MAGI2: variants seen among roughly 807,000 people sequenced by gnomAD.
MAGI2 encodes membrane-associated guanylate kinase, WW and PDZ domain-containing protein 2.
A neutral mutation model predicts 133.3 loss-of-function variants in MAGI2; 35 were observed. That is an observed-to-expected ratio of 0.26 (90% CI 0.20 to 0.35). MAGI2 has a LOEUF of 0.35. Ranked by LOEUF, MAGI2 falls within the 10% of genes least tolerant of loss-of-function variation. MAGI2 has a pLI of 1.00. For missense variants in MAGI2, 1,636 were observed against 1,863.4 expected, an observed-to-expected ratio of 0.88 and a Z score of 2.25; for synonymous variants, 729 against 710.6, an observed-to-expected ratio of 1.03 and a Z score of -0.41.
chr7:79,379,036 G>A (rs1488622968), intron 1 of MAGI2, among the ~76,000 whole-genome samples: 5 of 147,468 alleles, frequency 3.4e-5, no homozygotes, highest in African/African-American at 1.0e-4. Flanking sequence ...ATGTATACAC[G>A]TGCCATGTTG....
In MAGI2 at chr7:78,343,960, T is replaced by C. The variant is rs975282876; in HGVS notation, c.1226A>G (p.Glu409Gly). Reference protein sequence around the residue: ...TKPLQAPGFREKPLFTRDASQ... With the variant: ...TKPLQAPGFRGKPLFTRDASQ... The stretch of plus-strand genomic sequence containing the variant: ...TGCATCCCGGGTGAAGAGTGGTTTT[T>C]CTACATTGGCCAATATAAGTTAAAA... The change falls in exon 9 of 22, where the codon GAA becomes GGA. Residue 409 changes from glutamate (E) to glycine (G), a missense_variant and splice_region_variant. By Grantham distance (98) the Glu-to-Gly change is moderately conservative (BLOSUM62 -2). Coordinates refer to ENST00000354212, the MANE Select transcript of MAGI2 (RefSeq NM_012301.4). 1.9e-6 allele frequency: 3 copies of C among 1,606,718 alleles called. No individual in the cohort carries two copies. Among genetic ancestry groups the C allele is most frequent in the Non-Finnish European group, 1.7e-6 (2 of 1,177,736 alleles).
chr7:78,086,362 C>T (rs1034272232), intron 20 of MAGI2, among the ~76,000 whole-genome samples: 5 of 151,408 alleles, frequency 3.3e-5, no homozygotes, highest in South Asian at 2.1e-4. Flanking sequence ...CTCAGCCTCC[C>T]GAGTAGCTGG....
rs1442228189 is a variant in MAGI2 at position 78,203,449 on chromosome 7, C to T, written c.2048-2256G>A. 3.3e-5 allele frequency among the ~76,000 whole-genome samples: 5 copies of T among 152,144 alleles called. No individual in the cohort carries two copies. The East Asian group carries it at 9.6e-4, about 29-fold the overall frequency. ...GTGGAGAAGAGACAAGGAGAGGGGG[C>T]GTTTAATTTGACTGCCTTTCATCAT... is the stretch of plus-strand genomic sequence containing the variant. On this transcript the variant is annotated intron_variant, in intron 10 of 21. Transcript: ENST00000354212.
chr7:78,373,912 C>A (rs1187224173), intron 6 of MAGI2, among the ~76,000 whole-genome samples: 2 of 152,166 alleles, frequency 1.3e-5, no homozygotes, highest in African/African-American at 4.8e-5. Flanking sequence ...ATCCATGTTG[C>A]TGCAAAGGAC....
At chr7:78,059,773 A>AT (rs749682096) in intron 21 of MAGI2, among the ~76,000 whole-genome samples, 59 of 77,216 alleles carry the variant, frequency 7.6e-4, no homozygotes, top group African/African-American at 3.0e-3. Context: ...ATATATATAT[A>AT]TATATTTTTT....
At position 78,458,306 on chromosome 7, in the gene MAGI2, A is replaced by AG. The variant is rs1789560801; in HGVS notation, c.1045+31454_1045+31455insC. On this transcript the variant is annotated intron_variant, in intron 6 of 21. Transcript: ENST00000354212. ...CAAAACTCGGTCTCAAAAAAAAAAA[A>AG]AAAGAATAAAAGAGTAAAATTGAAT... Among the ~76,000 whole-genome samples, 2 of 151,692 alleles carry AG rather than the reference A, an allele frequency of 1.3e-5. 1 individual carries two copies. Among genetic ancestry groups the AG allele is most frequent in the South Asian group, 4.2e-4 (2 of 4,800 alleles).
intron 7 of MAGI2, among the ~76,000 whole-genome samples, chr7:78,359,698 TCCAA>T (rs1456786417): frequency 6.6e-6 from 1 of 152,198 alleles, no homozygotes; most frequent in African/African-American, 2.4e-5. Flanking sequence ...TATGTTACTG[TCCAA>T]CCAAACAAAA....
intron 1 of MAGI2, among the ~76,000 whole-genome samples, chr7:79,211,726 AT>A (rs2129552707): frequency 6.6e-6 from 1 of 152,184 alleles, no homozygotes; most frequent in South Asian, 2.1e-4. Flanking sequence ...AACAACAACA[AT>A]AAAAAAAGAT....
intron 21 of MAGI2, among the ~76,000 whole-genome samples, chr7:78,076,627 A>T (rs898039970): frequency 4.7e-5 from 7 of 150,426 alleles, no homozygotes; most frequent in Non-Finnish European, 7.4e-5. Flanking sequence ...CGGGTGGATC[A>T]TGAGGTCAGG....
At chr7:78,198,744 A>C (rs1250086502) in intron 11 of MAGI2, among the ~76,000 whole-genome samples, 2 of 152,186 alleles carry the variant, frequency 1.3e-5, no homozygotes, top group South Asian at 2.1e-4. Context: ...CTCCCATGAA[A>C]TGCTCTGTCC....
intron 1 of MAGI2, among the ~76,000 whole-genome samples, chr7:79,387,952 T>C (rs143166593): frequency 6.6e-6 from 1 of 152,098 alleles, no homozygotes; most frequent in East Asian, 1.9e-4. Context: ...ATTTACATTA[T>C]TTAATCTCAA....
At chr7:78,289,829 G>A (rs1432714843) in intron 9 of MAGI2, among the ~76,000 whole-genome samples, 1 of 152,134 alleles carries the variant, frequency 6.6e-6, no homozygotes, top group Non-Finnish European at 1.5e-5. Flanking sequence ...TTTCAACCCA[G>A]AATTTCATCT....
intron 1 of MAGI2, among the ~76,000 whole-genome samples, chr7:79,378,916 ATG>A (rs201646560): frequency 0.057 from 4,273 of 75,464 alleles, 284 homozygotes; most frequent in South Asian, 0.089. Context: ...ATATATATAT[ATG>A]TGTGTGTGTA....
chr7:79,276,444 A>G (rs1461776989), intron 1 of MAGI2, among the ~76,000 whole-genome samples: 2 of 152,202 alleles, frequency 1.3e-5, no homozygotes, highest in Non-Finnish European at 2.9e-5. Context: ...CAGCAAATTA[A>G]TTATAACTTT....
chr7:78,564,810 T>TG (rs1800768022), intron 3 of MAGI2, among the ~76,000 whole-genome samples: 1 of 140,454 alleles, frequency 7.1e-6, no homozygotes, highest in African/African-American at 2.7e-5. Context: ...TTTTTTTTTT[T>TG]TGAGACGGAG....
intron 1 of MAGI2, among the ~76,000 whole-genome samples, chr7:79,046,017 T>C (rs2116947806): frequency 6.6e-6 from 1 of 152,250 alleles, no homozygotes; most frequent in African/African-American, 2.4e-5. Flanking sequence ...GGGGAAAAAT[T>C]TGAGTGAGGG....
chr7:79,306,188 C>CAT (rs145878039), intron 1 of MAGI2, among the ~76,000 whole-genome samples: 3,434 of 142,938 alleles, frequency 0.024, 112 homozygotes, highest in African/African-American at 0.08. Flanking sequence ...TATATATACA[C>CAT]ATATATATAT....
chr7:78,331,081 G>A (rs1402948139), intron 9 of MAGI2, among the ~76,000 whole-genome samples: 1 of 152,184 alleles, frequency 6.6e-6, no homozygotes, highest in Non-Finnish European at 1.5e-5. Context: ...GCAGCTGGAG[G>A]CCACTGTCCT....
At chr7:79,385,620 T>C (rs67092648) in intron 1 of MAGI2, among the ~76,000 whole-genome samples, 21,465 of 151,820 alleles carry the variant, frequency 0.14, 1,641 homozygotes, top group South Asian at 0.25. Context: ...AGTGAGATCA[T>C]GCCGTATTTT....
Sources: gnomAD v4.1 joint callset for allele counts (sites outside exome capture counted in the v4.1 genomes callset) on GRCh38, gnomAD v4.1.1 for gene constraint, MANE v1.5 for transcripts, NCBI Gene and HGNC (gene_info 2026-07-23, HGNC 2026-07-21) for gene names.